Variants in AP5S1 observed in about 807,000 individuals in gnomAD.
AP5S1 encodes the protein adaptor related protein complex 5 subunit sigma 1.
AP5S1 carries 13 observed loss-of-function variants against 13.9 expected under a neutral mutation model. The observed-to-expected ratio is 0.94, with a 90% CI of 0.61 to 1.49. AP5S1 has a LOEUF of 1.49. Ranked by LOEUF, AP5S1 falls within the 40% of genes most tolerant of loss-of-function variation. The pLI, the probability that AP5S1 is intolerant of heterozygous loss-of-function variation, is 0.00. For missense variants in AP5S1, 292 were observed against 272.3 expected (o/e 1.07, Z -0.51); for synonymous variants, 132 against 121.8 (o/e 1.08, Z -0.55).
Position 3,824,305 on chromosome 20 carries a change from T to C in AP5S1, c.*8T>C, listed in dbSNP as rs764669156. The C allele has an allele frequency of 1.0e-5, 16 of 1,606,776 alleles. No individual in the cohort carries two copies. The Admixed American group carries it at 1.2e-4, about 12-fold the overall frequency. On this transcript the variant is annotated 3_prime_UTR_variant, in exon 3 of 3. Transcript: ENST00000615891. Reference sequence around the variant, plus strand: ...GCCGCTTGGCCCCGCTGATTCCTCGTTGGGATGGTGCTTCTGAGGGCAGGC... The same window carrying C: ...GCCGCTTGGCCCCGCTGATTCCTCGCTGGGATGGTGCTTCTGAGGGCAGGC...
chr20:3,824,778 C>T lies in AP5S1; in HGVS notation c.*481C>T, dbSNP rs1350212283. On this transcript the variant is annotated 3_prime_UTR_variant, in exon 3 of 3. Transcript: ENST00000615891. ...TGAAACCCCATCTCTACTAAAAATA[C>T]AAAAATTAGCTGGGTGTATGGCGCC... The T allele has an allele frequency of 6.4e-6, 1 of 156,208 alleles. No homozygotes were observed. Among genetic ancestry groups the T allele is most frequent in the Non-Finnish European group, 1.4e-5 (1 of 70,914 alleles). 9.7% of individuals were successfully genotyped at this position (156,208 alleles called of 1,614,324 possible).
intron 2 of AP5S1, 94 bp downstream of exon 2, chr20:3,822,387 CT>C: frequency 7.9e-7 from 1 of 1,263,966 alleles, no homozygotes; most frequent in Admixed American, 2.0e-5. Flanking sequence ...AATAGGAGGA[CT>C]AAGAAGCAGA....
chr20:3,821,439 C>T (rs541345109), intron 1 of AP5S1, among the ~76,000 whole-genome samples: 1 of 152,034 alleles, frequency 6.6e-6, no homozygotes, highest in Non-Finnish European at 1.5e-5. Flanking sequence ...GTGGTGCGAT[C>T]TCGGCTCACT....
intron 1 of AP5S1, chr20:3,821,796 T>G (rs908493773): frequency 3.6e-6 from 2 of 553,220 alleles, no homozygotes; most frequent in Non-Finnish European, 4.6e-6. Flanking sequence ...CCTTGACGCT[T>G]TTGAAGATAC....
chr20:3,827,082 C>G lies in AP5S1; in HGVS notation c.*2785C>G, dbSNP rs965678308. 1.3e-5 allele frequency: 2 copies of G among 152,234 alleles called. No homozygotes were observed. The highest frequency in any genetic ancestry group is 2.4e-5 in the African/African-American group (1 of 41,436). The allele number at this position is 152,234 out of a possible 1,614,324, so 9.4% of individuals were successfully genotyped here. ...TCTCCAAGCCTCTTCCCTTTCTTCT[C>G]CCTGCCCCAGGAACCCTGGCCAAAC... On this transcript the variant is annotated 3_prime_UTR_variant, in exon 3 of 3. Transcript: ENST00000615891.
In AP5S1 at chr20:3,824,408, C is replaced by A; in HGVS notation, c.*111C>A. 1 of 1,136,064 alleles carries A rather than the reference C, an allele frequency of 8.8e-7. No individual in the cohort carries two copies. The highest frequency in any genetic ancestry group is 1.2e-6 in the Non-Finnish European group (1 of 806,506). 70.4% of individuals were successfully genotyped at this position (1,136,064 alleles called of 1,614,324 possible). ...GCTCTGATGTGCTGCTATACCAGGACAAGTGGGTGACACAAGCCTGCAGAA... is the reference window on the plus strand; with the variant it reads ...GCTCTGATGTGCTGCTATACCAGGAAAAGTGGGTGACACAAGCCTGCAGAA... On this transcript the variant is annotated 3_prime_UTR_variant, in exon 3 of 3. Transcript: ENST00000615891.
chr20:3,822,298 C>T lies in AP5S1; in HGVS notation c.176+5C>T, dbSNP rs1407976232. 1.2e-6 allele frequency: 2 copies of T among 1,613,486 alleles called. No individual in the cohort carries two copies. Among genetic ancestry groups the T allele is most frequent in the Non-Finnish European group, 1.7e-6 (2 of 1,179,700 alleles). On this transcript the variant is annotated splice_donor_5th_base_variant and intron_variant, in intron 2 of 2. Transcript: ENST00000615891. The stretch of plus-strand genomic sequence containing the variant: ...ACAGATTTTAGCTGTGGCCAGGTAA[C>T]CACACAGCCCAGCCCCAGGCCTTCA...
chr20:3,822,368 A>G, intron 2 of AP5S1, 75 bp downstream of exon 2: 1 of 1,450,954 alleles, frequency 6.9e-7, no homozygotes, highest in Non-Finnish European at 9.6e-7. Flanking sequence ...GGGAGTGGGG[A>G]CGCAGAGAAA....
Position 3,826,636 on chromosome 20 carries a change from CTG to C in AP5S1, c.*2340_*2341del. The C allele has an allele frequency of 6.6e-6, 1 of 152,340 alleles. No individual in the cohort carries two copies. Among genetic ancestry groups the C allele is most frequent in the South Asian group, 2.1e-4 (1 of 4,818 alleles). The allele number at this position is 152,340 out of a possible 1,614,324, so 9.4% of individuals were successfully genotyped here. ...CTGATGGACAAGAGAATAGTAGAGA[CTG>C]AGACCACACCGTGGGGCTGCTGAGC... On this transcript the variant is annotated 3_prime_UTR_variant, in exon 3 of 3. Transcript: ENST00000615891.
At position 3,824,913 on chromosome 20, in the gene AP5S1, CAG is replaced by C. The variant is rs2089614422; in HGVS notation, c.*619_*620del. On this transcript the variant is annotated 3_prime_UTR_variant, in exon 3 of 3. Coordinates refer to ENST00000615891, the MANE Select transcript of AP5S1 (RefSeq NM_018347.3). ...CGCCACTTCACTCCAGCCTGGGCAA[CAG>C]AGTGAGACTCCATCTCAAAAAAAAA... 7.3e-6 allele frequency: 1 copy of C among 137,488 alleles called. No individual in the cohort carries two copies. The highest frequency in any genetic ancestry group is 1.5e-5 in the Non-Finnish European group (1 of 66,510). The allele number at this position is 137,488 out of a possible 1,614,324, so 8.5% of individuals were successfully genotyped here.
chr20:3,823,778 G>A, intron 2 of AP5S1, 93 bp from the exon 3 acceptor site: 2 of 1,526,446 alleles, frequency 1.3e-6, no homozygotes, highest in Non-Finnish European at 1.8e-6. Context: ...CTTGAGATAT[G>A]GGGATGATGG....
chr20:3,823,166 C>A (rs1301460248), intron 2 of AP5S1, among the ~76,000 whole-genome samples: 3 of 152,202 alleles, frequency 2.0e-5, no homozygotes, highest in East Asian at 1.9e-4. Context: ...AATGGAAGGT[C>A]TTTCTTTCAT....
Position 3,824,646 on chromosome 20 carries a change from G to T in AP5S1, c.*349G>T. 1 of 284,706 alleles carries T rather than the reference G, an allele frequency of 3.5e-6. No individual in the cohort carries two copies. The highest frequency in any genetic ancestry group is 6.7e-6 in the Non-Finnish European group (1 of 149,268). 17.6% of individuals were successfully genotyped at this position (284,706 alleles called of 1,614,324 possible). ...ACCCCGCTCTTCTTCCAAACCCACA[G>T]TCAAGGCCAGGCGCGGTGGCTCACG... On this transcript the variant is annotated 3_prime_UTR_variant, in exon 3 of 3. Coordinates refer to ENST00000615891, the MANE Select transcript of AP5S1 (RefSeq NM_018347.3).
In AP5S1 at chr20:3,822,344, A is replaced by G. The variant is rs75625533; in HGVS notation, c.176+51A>G. On this transcript the variant is annotated intron_variant, in intron 2 of 2. Coordinates refer to ENST00000615891, the MANE Select transcript of AP5S1 (RefSeq NM_018347.3). ...CTTCATTGAACACGTACCTGATTGT[A>G]ATAGGTATTTTCGGGGAGTGGGGAC... The G allele has an allele frequency of 3.9e-3, 6,117 of 1,572,040 alleles. 223 individuals are homozygous for G. The African/African-American group carries it at 0.073, about 19-fold the overall frequency.
intron 2 of AP5S1, 23 bp downstream of exon 2, chr20:3,822,316 G>T: frequency 6.2e-7 from 1 of 1,608,920 alleles, no homozygotes; most frequent in South Asian, 1.1e-5. Context: ...CCCAGCCCCA[G>T]GCCTTCATTG....
rs576941387 is a variant in AP5S1 at position 3,828,247 on chromosome 20, A to G, written c.*3950A>G. On this transcript the variant is annotated 3_prime_UTR_variant, in exon 3 of 3. Transcript: ENST00000615891. ...TAGTGCAATTTTAGGTTCACAGTAA[A>G]ACTGAGCAGAGGGTACAGAGAGTTC... is the stretch of plus-strand genomic sequence containing the variant. The G allele has an allele frequency of 3.0e-4, 45 of 152,282 alleles. No homozygotes were observed. Among genetic ancestry groups the G allele is most frequent in the Non-Finnish European group, 5.1e-4 (35 of 68,028 alleles). 9.4% of individuals were successfully genotyped at this position (152,282 alleles called of 1,614,324 possible).
Position 3,827,712 on chromosome 20 carries a change from G to T in AP5S1, c.*3415G>T, listed in dbSNP as rs1370840071. On this transcript the variant is annotated 3_prime_UTR_variant, in exon 3 of 3. Coordinates refer to ENST00000615891, the MANE Select transcript of AP5S1 (RefSeq NM_018347.3). Reference sequence around the variant, plus strand: ...GGGTGTTTTTTTCTAGCCCTGTGGTGCTGCGCACTGTCCAGCATCCCCCCA... The same window carrying T: ...GGGTGTTTTTTTCTAGCCCTGTGGTTCTGCGCACTGTCCAGCATCCCCCCA... 1 of 151,994 alleles carries T rather than the reference G, an allele frequency of 6.6e-6. No individual in the cohort carries two copies. The highest frequency in any genetic ancestry group is 1.9e-4 in the East Asian group (1 of 5,186). The allele number at this position is 151,994 out of a possible 1,614,324, so 9.4% of individuals were successfully genotyped here.
intron 2 of AP5S1, chr20:3,823,461 C>T (rs1189946902): frequency 2.5e-6 from 2 of 800,762 alleles, no homozygotes; most frequent in African/African-American, 1.9e-5. Flanking sequence ...CTATGTTAGC[C>T]AGGATGGTCT....
At chr20:3,821,933 T>A in intron 1 of AP5S1, 169 bp from the exon 2 acceptor site, 1 of 984,546 alleles carries the variant, frequency 1.0e-6, no homozygotes, top group Non-Finnish European at 1.2e-6. Flanking sequence ...TGAGATTTTT[T>A]ATCACTGGAT....
Sources: allele counts gnomAD v4.1 joint callset (sites outside exome capture counted in the v4.1 genomes callset), GRCh38; gene constraint gnomAD v4.1.1; transcripts MANE v1.5; gene names NCBI Gene and HGNC (gene_info 2026-07-23, HGNC 2026-07-21).